The following DPH6 variants were observed in gnomAD, a reference collection of about 807,000 sequenced individuals.
DPH6 encodes the protein diphthine--ammonia ligase.
Under a neutral mutation model 38.2 loss-of-function variants are expected in DPH6, and 33 were observed. The ratio of observed to expected loss-of-function variants is 0.86; its 90% CI spans 0.65 to 1.15. DPH6 has a LOEUF of 1.15. DPH6 is among the 50% of genes most tolerant of loss of function. The pLI is 0.00. For missense variants in DPH6, 325 were observed against 320.0 expected, an observed-to-expected ratio of 1.02 and a Z score of -0.12; for synonymous variants, 108 against 103.0, an observed-to-expected ratio of 1.05 and a Z score of -0.30.
chr15:35,440,844 G>T (rs1464386078), intron 5 of DPH6, among the ~76,000 whole-genome samples: 3 of 152,170 alleles, frequency 2.0e-5, no homozygotes, highest in African/African-American at 7.2e-5. Flanking sequence ...CACAGCAAAA[G>T]AAACTATCAT....
At chr15:35,152,157 CTT>C in the DPH6 span, among the ~76,000 whole-genome samples, 1 of 152,156 alleles carries the variant, frequency 6.6e-6, no homozygotes, top group Non-Finnish European at 1.5e-5. Flanking sequence ...GAACTTAACT[CTT>C]GTTTATATCA....
At chr15:35,282,981 C>A in intron 3 of DPH6, 1 of 278,602 alleles carries the variant, frequency 3.6e-6, no homozygotes, top group Non-Finnish European at 7.6e-6. Context: ...TTGAGCTGAT[C>A]TCCTGAATAT....
At chr15:35,525,604 T>C (rs1212052730) in intron 3 of DPH6, among the ~76,000 whole-genome samples, 2 of 152,026 alleles carry the variant, frequency 1.3e-5, no homozygotes, top group Admixed American at 6.6e-5. Context: ...TGTTAAACTT[T>C]TGAAAAGAAC....
At chr15:35,534,177 AGACCAGCCT>A (rs1483960383) in intron 3 of DPH6, among the ~76,000 whole-genome samples, 3 of 152,134 alleles carry the variant, frequency 2.0e-5, no homozygotes, top group African/African-American at 7.2e-5. Flanking sequence ...CGGGAGTTTG[AGACCAGCCT>A]GACCAACATG....
chr15:35,364,584 C>T (rs1236156145), intron 3 of DPH6, among the ~76,000 whole-genome samples: 1 of 152,040 alleles, frequency 6.6e-6, no homozygotes, highest in East Asian at 1.9e-4. Context: ...TCTAGGATGG[C>T]ATTTTCATTT....
chr15:35,299,192 A>T (rs1049109029), intron 3 of DPH6: 13 of 1,364,284 alleles, frequency 9.5e-6, no homozygotes, highest in Middle Eastern at 2.2e-4. Flanking sequence ...CAGAAAACCC[A>T]CTGGGAACAG....
chr15:35,478,904 T>C (rs1021666474), intron 3 of DPH6, among the ~76,000 whole-genome samples: 8 of 152,044 alleles, frequency 5.3e-5, no homozygotes, highest in East Asian at 1.9e-4. Flanking sequence ...CTAATTAAGA[T>C]TGCTTTAACT....
At chr15:35,331,749 C>A (rs72703129) in intron 3 of DPH6, among the ~76,000 whole-genome samples, 1 of 152,106 alleles carries the variant, frequency 6.6e-6, no homozygotes, top group Non-Finnish European at 1.5e-5. Context: ...GTAGAATGTG[C>A]CCTAAAATTG....
rs530857793 is a variant in DPH6, at chr15:35,447,444, C to T, written c.505+3241G>A. 4.6e-5 allele frequency among the ~76,000 whole-genome samples: 7 copies of T among 152,206 alleles called. No homozygotes were observed. The East Asian group carries it at 9.7e-4, about 21-fold the overall frequency. ...TTTCTATCTCTTATACGTCCCCCCCCGCCATTTCCATCTATTACCTGTTTT... is the reference window on the plus strand; with the variant it reads ...TTTCTATCTCTTATACGTCCCCCCCTGCCATTTCCATCTATTACCTGTTTT... On this transcript the variant is annotated intron_variant, in intron 5 of 8. Coordinates refer to ENST00000256538, the MANE Select transcript of DPH6 (RefSeq NM_080650.4).
At chr15:35,281,423 T>G (rs912080592) in intron 3 of DPH6, among the ~76,000 whole-genome samples, 1 of 152,224 alleles carries the variant, frequency 6.6e-6, no homozygotes, top group African/African-American at 2.4e-5. Flanking sequence ...ATTGACATAT[T>G]TTGACCCAAA....
chr15:35,514,701 G>A (rs2054821481), intron 3 of DPH6, among the ~76,000 whole-genome samples: 1 of 151,930 alleles, frequency 6.6e-6, no homozygotes. Flanking sequence ...GAAGACCAGG[G>A]GAGAGAAACT....
At chr15:35,159,549 A>T in the DPH6 span, among the ~76,000 whole-genome samples, 34 of 136,884 alleles carry the variant, frequency 2.5e-4, no homozygotes, top group East Asian at 2.3e-3. Flanking sequence ...TTAAAAAATT[A>T]AAAAAAAATA....
downstream of DPH6, among the ~76,000 whole-genome samples, chr15:35,213,611 G>C (rs1419018342): frequency 2.0e-5 from 3 of 152,078 alleles, no homozygotes; most frequent in East Asian, 1.9e-4. Flanking sequence ...AATATCCTGG[G>C]ACAGGTCTTT....
At chr15:35,501,263 A>T (rs371243482) in intron 3 of DPH6, among the ~76,000 whole-genome samples, 2 of 152,180 alleles carry the variant, frequency 1.3e-5, no homozygotes, top group East Asian at 3.9e-4. Flanking sequence ...TTTCTATTAA[A>T]AATAATCTCT....
At chr15:35,210,946 CTTTTTTT>C in the DPH6 span, among the ~76,000 whole-genome samples, 419 of 61,508 alleles carry the variant, frequency 6.8e-3, 1 homozygote, top group Middle Eastern at 0.034. Flanking sequence ...AGATAGATCA[CTTTTTTT>C]TTTTTTTTTT....
At chr15:35,374,801 A>G (rs1189077713) in intron 7 of DPH6, among the ~76,000 whole-genome samples, 4 of 152,116 alleles carry the variant, frequency 2.6e-5, no homozygotes, top group Admixed American at 2.6e-4. Flanking sequence ...GCCACCAGGT[A>G]TGATGAGGAG....
intron 3 of DPH6, among the ~76,000 whole-genome samples, chr15:35,280,559 C>T (rs2051891497): frequency 6.6e-6 from 1 of 152,074 alleles, no homozygotes; most frequent in South Asian, 2.1e-4. Context: ...TACACATCAG[C>T]CTTAATGATA....
Position 35,371,803 on chromosome 15 carries a change from T to A in DPH6, c.*347A>T. 9.9e-7 allele frequency: 1 copy of A among 1,012,938 alleles called. No individual in the cohort carries two copies. The highest frequency in any genetic ancestry group is 1.2e-6 in the Non-Finnish European group (1 of 849,312). 62.7% of individuals were successfully genotyped at this position (1,012,938 alleles called of 1,614,324 possible). ...TGCATCATGACATTATTGGTAGGGATTGGAGCAAGAAAGAGAGAAGGAGGA... is the reference window on the plus strand; with the variant it reads ...TGCATCATGACATTATTGGTAGGGAATGGAGCAAGAAAGAGAGAAGGAGGA... On this transcript the variant is annotated 3_prime_UTR_variant, in exon 9 of 9. Transcript: ENST00000256538.
chr15:35,171,538 G>A, the DPH6 span, among the ~76,000 whole-genome samples: 59 of 152,018 alleles, frequency 3.9e-4, no homozygotes, highest in African/African-American at 1.4e-3. Context: ...TATAAACTAG[G>A]GGTTATAGAT....
Sources: gnomAD v4.1 joint callset for allele counts (sites outside exome capture counted in the v4.1 genomes callset) on GRCh38, gnomAD v4.1.1 for gene constraint, MANE v1.5 for transcripts, NCBI Gene and HGNC (gene_info 2026-07-23, HGNC 2026-07-21) for gene names.